Variants in FOXP1 observed in about 807,000 individuals in gnomAD.
FOXP1 encodes the protein forkhead box protein P1.
FOXP1 carries 15 observed loss-of-function variants against 98.2 expected under a neutral mutation model. The ratio of observed to expected loss-of-function variants is 0.15; its 90% CI spans 0.10 to 0.24. The LOEUF (loss-of-function observed/expected upper bound fraction) is 0.24, where lower values mean the gene tolerates loss of function less well. Ranked by LOEUF, FOXP1 falls within the 10% of genes least tolerant of loss-of-function variation. The pLI is 1.00. For synonymous variants in FOXP1, 371 were observed against 314.5 expected, an observed-to-expected ratio of 1.18 and a Z score of -1.90; for missense variants, 633 against 848.5, an observed-to-expected ratio of 0.75 and a Z score of 3.15.
chr3:71,474,943 C>T (rs554507237), intron 3 of FOXP1, among the ~76,000 whole-genome samples: 8 of 152,222 alleles, frequency 5.3e-5, no homozygotes, highest in Non-Finnish European at 1.2e-4. Context: ...TGGAGAACTG[C>T]TGTAGTTTAC....
intron 3 of FOXP1, among the ~76,000 whole-genome samples, chr3:71,398,924 G>A (rs1006882084): frequency 3.3e-5 from 5 of 152,094 alleles, no homozygotes; most frequent in African/African-American, 1.2e-4. Context: ...GTAAAAAGCT[G>A]GCATAATTCT....
At position 71,019,824 on chromosome 3, in the gene FOXP1, G is replaced by A. The variant is rs978405092; in HGVS notation, c.870-4171C>T. Among the ~76,000 whole-genome samples, 15 of 146,776 alleles carry A rather than the reference G, an allele frequency of 1.0e-4. No individual in the cohort carries two copies. The East Asian group carries it at 2.8e-3, about 28-fold the overall frequency. Reference sequence around the variant, plus strand: ...CAGCCTGGGCGACAGATGACAGAGCGAGACACGGTCCCCCCCCCAAAAAAA... The same window carrying A: ...CAGCCTGGGCGACAGATGACAGAGCAAGACACGGTCCCCCCCCCAAAAAAA... On this transcript the variant is annotated intron_variant, in intron 11 of 20. Transcript: ENST00000649528.
intron 20 of FOXP1, 95 bp from the exon 21 acceptor site, chr3:70,959,486 C>G: frequency 7.7e-7 from 1 of 1,290,888 alleles, no homozygotes; most frequent in Non-Finnish European, 1.1e-6. Flanking sequence ...AAGCCGCACT[C>G]TAGAACTAGA....
At chr3:71,377,012 A>C (rs550806145) in intron 3 of FOXP1, among the ~76,000 whole-genome samples, 40 of 152,276 alleles carry the variant, frequency 2.6e-4, no homozygotes, top group Middle Eastern at 3.4e-3. Context: ...AATTAATAAA[A>C]ACTGGAGAAA....
At chr3:71,338,211 G>A (rs527727432) in intron 4 of FOXP1, among the ~76,000 whole-genome samples, 9 of 152,298 alleles carry the variant, frequency 5.9e-5, no homozygotes, top group Non-Finnish European at 1.2e-4. Context: ...AGAGCAGAGG[G>A]CCTAAAAAGA....
intron 5 of FOXP1, among the ~76,000 whole-genome samples, chr3:71,213,452 T>G (rs182863569): frequency 1.1e-4 from 17 of 152,368 alleles, no homozygotes; most frequent in African/African-American, 3.8e-4. Context: ...AAGAGTTTTT[T>G]CAAAATACAG....
intron 3 of FOXP1, among the ~76,000 whole-genome samples, chr3:71,472,572 T>C (rs567641356): frequency 1.3e-5 from 2 of 152,280 alleles, no homozygotes; most frequent in Non-Finnish European, 1.5e-5. Context: ...GGAAGACCTC[T>C]TCTTATTCTG....
intron 3 of FOXP1, among the ~76,000 whole-genome samples, chr3:71,378,437 C>A (rs2079893905): frequency 6.6e-6 from 1 of 152,074 alleles, no homozygotes; most frequent in South Asian, 2.1e-4. Flanking sequence ...TTTCAATTGC[C>A]CACCATGCTG....
At chr3:71,162,659 G>A (rs781279782) in intron 6 of FOXP1, among the ~76,000 whole-genome samples, 1 of 152,200 alleles carries the variant, frequency 6.6e-6, no homozygotes. Flanking sequence ...CAGAAACTTA[G>A]ACAGGGGCAG....
At chr3:71,331,814 C>G (rs2076334403) in intron 4 of FOXP1, among the ~76,000 whole-genome samples, 1 of 151,484 alleles carries the variant, frequency 6.6e-6, no homozygotes, top group African/African-American at 2.4e-5. Flanking sequence ...GGTTTGTCAA[C>G]ACACCAATCA....
chr3:71,151,753 A>G (rs768626384), intron 6 of FOXP1, among the ~76,000 whole-genome samples: 2 of 149,862 alleles, frequency 1.3e-5, no homozygotes, highest in Non-Finnish European at 2.9e-5. Context: ...TGACATTTAG[A>G]CCCACTAGGC....
chr3:71,439,067 C>A (rs1184609177), intron 3 of FOXP1, among the ~76,000 whole-genome samples: 1 of 152,228 alleles, frequency 6.6e-6, no homozygotes, highest in Non-Finnish European at 1.5e-5. Context: ...TCCACTGTTT[C>A]ATTAAATTGC....
intron 2 of FOXP1, among the ~76,000 whole-genome samples, chr3:71,524,370 A>C (rs1381238811): frequency 6.6e-6 from 1 of 152,168 alleles, no homozygotes; most frequent in Admixed American, 6.5e-5. Context: ...CAAAAAAACA[A>C]ACAAAGAAAA....
intron 14 of FOXP1, among the ~76,000 whole-genome samples, chr3:70,982,350 A>G (rs1171817276): frequency 6.6e-6 from 1 of 152,160 alleles, no homozygotes; most frequent in Non-Finnish European, 1.5e-5. Flanking sequence ...TTTAAAAGAT[A>G]ATTTTTTCTG....
intron 6 of FOXP1, among the ~76,000 whole-genome samples, chr3:71,150,518 T>C (rs907646748): frequency 3.3e-5 from 5 of 152,156 alleles, no homozygotes; most frequent in Non-Finnish European, 7.4e-5. Context: ...TCGATACTTA[T>C]CTTACTCATC....
chr3:71,336,356 C>T (rs558006856), intron 4 of FOXP1, among the ~76,000 whole-genome samples: 1 of 152,220 alleles, frequency 6.6e-6, no homozygotes, highest in Admixed American at 6.5e-5. Context: ...TTTGCTGCAC[C>T]TATCAACCAG....
intron 3 of FOXP1, among the ~76,000 whole-genome samples, chr3:71,476,969 G>A (rs866174332): frequency 6.6e-6 from 1 of 152,092 alleles, no homozygotes; most frequent in Non-Finnish European, 1.5e-5. Context: ...GAAACTTATT[G>A]ACATTTATCT....
chr3:71,437,893 C>G (rs1464005996), intron 3 of FOXP1, among the ~76,000 whole-genome samples: 2 of 152,104 alleles, frequency 1.3e-5, no homozygotes, highest in Non-Finnish European at 1.5e-5. Context: ...AAGCTTGGTT[C>G]CAGGAGGTGA....
At chr3:70,967,687 G>GTTTTTCTTTTTTGT (rs2035148912) in intron 19 of FOXP1, among the ~76,000 whole-genome samples, 1 of 61,358 alleles carries the variant, frequency 1.6e-5, no homozygotes, top group African/African-American at 5.7e-5. Context: ...ACTATTATTT[G>GTTTTTCTTTTTTGT]TTTTTTTTTT....
Sources: gnomAD v4.1 joint callset for allele counts (sites outside exome capture counted in the v4.1 genomes callset) on GRCh38, gnomAD v4.1.1 for gene constraint, MANE v1.5 for transcripts, NCBI Gene and HGNC (gene_info 2026-07-23, HGNC 2026-07-21) for gene names.